Variants in HIP1 observed in about 807,000 individuals in gnomAD.
The protein encoded by HIP1 is huntingtin-interacting protein 1.
HIP1 carries 65 observed loss-of-function variants against 147.6 expected under a neutral mutation model. The ratio of observed to expected loss-of-function variants is 0.44; its 90% CI spans 0.36 to 0.54. The LOEUF is 0.54. Ranked by LOEUF, HIP1 falls within the 20% of genes least tolerant of loss-of-function variation. HIP1 has a pLI of 0.00. For synonymous variants in HIP1, 479 were observed against 504.0 expected, an observed-to-expected ratio of 0.95 and a Z score of 0.67; for missense variants, 1,061 against 1,299.6, an observed-to-expected ratio of 0.82 and a Z score of 2.82.
At chr7:75,703,864 T>C (rs571236157) in intron 1 of HIP1, among the ~76,000 whole-genome samples, 3 of 152,282 alleles carry the variant, frequency 2.0e-5, no homozygotes, top group Admixed American at 6.5e-5. Flanking sequence ...AGGACCAAAG[T>C]TGAGACCACT....
In HIP1 at chr7:75,715,452, CACACACAGAG is replaced by C. The variant is rs879953362; in HGVS notation, c.120+23339_120+23348del. ...AAGAAGGAAAGAAGGGAGAGAGAGACACACACAGAGAGAGAGAGAGAGAGAGAGAGAGAGA... is the reference window on the plus strand; with the variant it reads ...AAGAAGGAAAGAAGGGAGAGAGAGACAGAGAGAGAGAGAGAGAGAGAGAGA... On this transcript the variant is annotated intron_variant, in intron 1 of 30. Transcript: ENST00000336926. Among the ~76,000 whole-genome samples, 995 of 117,182 alleles carry C rather than the reference CACACACAGAG, an allele frequency of 8.5e-3. 3 individuals carry two copies. Among genetic ancestry groups the C allele is most frequent in the Middle Eastern group, 0.021 (5 of 242 alleles). The allele number at this position is 117,182 out of a possible 152,430, so 76.9% of individuals were successfully genotyped here. A position where few individuals can be genotyped will look rare whatever the true frequency, so the allele number is the denominator to read the frequency against.
chr7:75,605,444 C>T (rs587775153), intron 1 of HIP1, among the ~76,000 whole-genome samples: 2 of 152,234 alleles, frequency 1.3e-5, no homozygotes, highest in African/African-American at 4.8e-5. Context: ...GAGATGACAG[C>T]AGGTGGAGGG....
intron 1 of HIP1, among the ~76,000 whole-genome samples, chr7:75,695,344 G>A (rs1375302926): frequency 6.6e-6 from 1 of 152,154 alleles, no homozygotes; most frequent in Non-Finnish European, 1.5e-5. Flanking sequence ...GTGGATGCCA[G>A]ATGGCTTGTA....
intron 2 of HIP1, among the ~76,000 whole-genome samples, chr7:75,595,570 C>T (rs1796712935): frequency 6.6e-6 from 1 of 152,022 alleles, no homozygotes; most frequent in African/African-American, 2.4e-5. Flanking sequence ...TCTCGAACTC[C>T]TGGCCTCAAG....
chr7:75,680,679 T>C (rs1800034897), intron 1 of HIP1, among the ~76,000 whole-genome samples: 1 of 151,806 alleles, frequency 6.6e-6, no homozygotes, highest in Non-Finnish European at 1.5e-5. Context: ...GCGCCATCTC[T>C]GCTCACTGCA....
chr7:75,581,573 GTTCAAGACC>G (rs1425128505), intron 6 of HIP1, among the ~76,000 whole-genome samples: 2 of 152,212 alleles, frequency 1.3e-5, no homozygotes, highest in African/African-American at 4.8e-5. Context: ...GAGGTCAGGA[GTTCAAGACC>G]AGCCTGGCCA....
chr7:75,539,423 C>T lies in HIP1; in HGVS notation c.2961G>A (p.Val987=), dbSNP rs1199557732. 3 of 1,612,968 alleles carry T rather than the reference C, an allele frequency of 1.9e-6. No individual in the cohort carries two copies. The highest frequency in any genetic ancestry group is 2.7e-5 in the African/African-American group (2 of 74,908). The change falls in exon 30 of 31, where the codon GTG becomes GTA. Residue 987 remains valine, a synonymous_variant. Transcript: ENST00000336926. The part of the protein sequence containing the change: ...KRQEMDSQVR[V]LELENELQKE... The stretch of plus-strand genomic sequence containing the variant: ...TCTGCAATTCATTTTCTAGCTCTAG[C>T]ACCCTAACCTGTAAGGGAAATTAAG...
At position 75,573,838 on chromosome 7, in the gene HIP1, G is replaced by A; in HGVS notation, c.668C>T (p.Ala223Val). The A allele has an allele frequency of 6.2e-7, 1 of 1,614,136 alleles. No individual in the cohort carries two copies. Among genetic ancestry groups the A allele is most frequent in the East Asian group, 2.2e-5 (1 of 44,880 alleles). ...GTCCAAGATGACCTGGATCAGCGGG[G>A]CGAGGCGGCACTGCCCTGCTGCCGT... ...SVTAAGQCRLAPLIQVILDCS... is the reference protein window; with the variant it reads ...SVTAAGQCRLVPLIQVILDCS... The change falls in exon 8 of 31, where the codon GCC (alanine) becomes GTC (valine). Residue 223 changes from alanine to valine, a missense_variant. Coordinates refer to ENST00000336926, the MANE Select transcript of HIP1 (RefSeq NM_005338.7).
chr7:75,649,527 G>A (rs578137270), intron 1 of HIP1, among the ~76,000 whole-genome samples: 2 of 134,750 alleles, frequency 1.5e-5, no homozygotes, highest in South Asian at 4.4e-4. Flanking sequence ...GAAAACAGAG[G>A]TTGTTATTGC....
chr7:75,610,507 G>T (rs1797394699), intron 1 of HIP1, among the ~76,000 whole-genome samples: 1 of 151,892 alleles, frequency 6.6e-6, no homozygotes, highest in African/African-American at 2.4e-5. Context: ...ACCGCACCTG[G>T]CCTTTTTTTT....
At position 75,593,629 on chromosome 7, in the gene HIP1, CA is replaced by C. The variant is rs34062007; in HGVS notation, c.185-1116del. On this transcript the variant is annotated intron_variant, in intron 2 of 30. Coordinates refer to ENST00000336926, the MANE Select transcript of HIP1 (RefSeq NM_005338.7). ...TGGGTGACAGAGCAAGACTCCATCT[CA>C]AAAAAAAAAAAAAAAAAAAAGTGAG... Among the ~76,000 whole-genome samples, 181 of 72,246 alleles carry C rather than the reference CA, an allele frequency of 2.5e-3. 1 individual carries two copies. The highest frequency in any genetic ancestry group is 0.01 in the Middle Eastern group (1 of 96). The allele number at this position is 72,246 out of a possible 152,430, so 47.4% of individuals were successfully genotyped here.
At chr7:75,609,214 G>A (rs1174869135) in intron 1 of HIP1, among the ~76,000 whole-genome samples, 3 of 152,132 alleles carry the variant, frequency 2.0e-5, no homozygotes, top group African/African-American at 7.2e-5. Context: ...TCATCATCGT[G>A]CCCCAGTTCC....
At chr7:75,686,797 G>A (rs1800275576) in intron 1 of HIP1, among the ~76,000 whole-genome samples, 1 of 151,450 alleles carries the variant, frequency 6.6e-6, no homozygotes, top group African/African-American at 2.4e-5. Flanking sequence ...AAGTGGCTGG[G>A]ACTACAGTGC....
intron 5 of HIP1, 147 bp from the exon 6 acceptor site, chr7:75,582,298 T>G (rs1554498786): frequency 3.2e-6 from 2 of 634,082 alleles, no homozygotes; most frequent in Non-Finnish European, 5.7e-6. Flanking sequence ...AAGTTTACAG[T>G]TCAAGGCCAC....
chr7:75,697,477 A>G (rs1800676678), intron 1 of HIP1, among the ~76,000 whole-genome samples: 1 of 152,164 alleles, frequency 6.6e-6, no homozygotes, highest in East Asian at 1.9e-4. Flanking sequence ...TCAGTAGAAC[A>G]AGTTTCTCCT....
intron 1 of HIP1, among the ~76,000 whole-genome samples, chr7:75,680,135 T>G (rs1800016296): frequency 1.3e-5 from 2 of 152,074 alleles, no homozygotes. Flanking sequence ...CTCTACCTCC[T>G]GGGTTCAAGC....
intron 1 of HIP1, among the ~76,000 whole-genome samples, chr7:75,604,970 G>T (rs1468814807): frequency 1.3e-5 from 2 of 152,138 alleles, no homozygotes; most frequent in Admixed American, 6.6e-5. Flanking sequence ...GTGTATAGCT[G>T]AGAATCAGGA....
intron 24 of HIP1, among the ~76,000 whole-genome samples, chr7:75,547,390 C>G (rs782190682): frequency 3.9e-5 from 6 of 152,208 alleles, no homozygotes; most frequent in Non-Finnish European, 8.8e-5. Context: ...GCCTCAGCCT[C>G]CAAAGTAGCT....
At chr7:75,644,609 A>G (rs1353637919) in intron 1 of HIP1, among the ~76,000 whole-genome samples, 1 of 152,100 alleles carries the variant, frequency 6.6e-6, no homozygotes, top group Non-Finnish European at 1.5e-5. Context: ...TAATTTTTTA[A>G]AAGATTAAAC....
Sources: allele counts gnomAD v4.1 joint callset (sites outside exome capture counted in the v4.1 genomes callset), GRCh38; gene constraint gnomAD v4.1.1; transcripts MANE v1.5; gene names NCBI Gene and HGNC (gene_info 2026-07-23, HGNC 2026-07-21).